Variants in NIBAN1 observed in about 807,000 individuals in gnomAD.
NIBAN1 encodes protein Niban 1.
A neutral mutation model predicts 75.1 loss-of-function variants in NIBAN1; 81 were observed. The observed-to-expected ratio is 1.08, with a 90% CI of 0.90 to 1.30. The LOEUF (loss-of-function observed/expected upper bound fraction) is 1.30. NIBAN1 is among the 50% of genes most tolerant of loss of function. NIBAN1 has a pLI of 0.00. For missense variants in NIBAN1, 1,133 were observed against 1,128.1 expected (o/e 1.00, Z -0.06); for synonymous variants, 436 against 424.8 (o/e 1.03, Z -0.32).
intron 1 of NIBAN1, among the ~76,000 whole-genome samples, chr1:184,952,181 CT>C (rs1346433171): frequency 6.6e-6 from 1 of 152,210 alleles, no homozygotes; most frequent in African/African-American, 2.4e-5. Context: ...TGGGCAAGTG[CT>C]TGAGTCCAAG....
chr1:184,900,216 T>C (rs772198047), intron 1 of NIBAN1, among the ~76,000 whole-genome samples: 2 of 152,172 alleles, frequency 1.3e-5, no homozygotes, highest in Non-Finnish European at 2.9e-5. Context: ...TCTGCTCCAA[T>C]ATTTCTGGTT....
intron 5 of NIBAN1, among the ~76,000 whole-genome samples, chr1:184,866,280 CT>C (rs1344497367): frequency 2.0e-5 from 3 of 152,148 alleles, no homozygotes; most frequent in African/African-American, 7.2e-5. Context: ...AATTGTGGGG[CT>C]TTCACCTACC....
intron 13 of NIBAN1, among the ~76,000 whole-genome samples, chr1:184,796,558 G>A (rs1413161880): frequency 6.6e-6 from 1 of 152,148 alleles, no homozygotes; most frequent in Admixed American, 6.5e-5. Context: ...ATAGGTACTC[G>A]GTACTGCACA....
intron 5 of NIBAN1, among the ~76,000 whole-genome samples, chr1:184,842,468 G>C (rs1186667199): frequency 6.6e-6 from 1 of 152,126 alleles, no homozygotes; most frequent in Admixed American, 6.6e-5. Context: ...ATCACTTGTG[G>C]TAAGGCCGGG....
At position 184,823,038 on chromosome 1, in the gene NIBAN1, C is replaced by G. The variant is rs1243138218; in HGVS notation, c.985+129G>C. On this transcript the variant is annotated intron_variant, in intron 8 of 13. Coordinates refer to ENST00000367511, the MANE Select transcript of NIBAN1 (RefSeq NM_052966.4). ...TGGTACCTCCAGCATGTTCCTGTTGCAGCTGTGATCACCTCCTCCCAATTT... is the reference window on the plus strand; with the variant it reads ...TGGTACCTCCAGCATGTTCCTGTTGGAGCTGTGATCACCTCCTCCCAATTT... 4.6e-6 allele frequency: 5 copies of G among 1,078,542 alleles called. No homozygotes were observed. In the African/African-American group the frequency reaches 7.9e-5, roughly 17 times the overall value. The allele number at this position is 1,078,542 out of a possible 1,614,324, so 66.8% of individuals were successfully genotyped here. A position where few individuals can be genotyped will look rare whatever the true frequency, so the allele number is the denominator to read the frequency against.
At chr1:184,812,349 C>G (rs1654405324) in intron 9 of NIBAN1, among the ~76,000 whole-genome samples, 3 of 152,030 alleles carry the variant, frequency 2.0e-5, no homozygotes, top group Admixed American at 2.0e-4. Context: ...TTGCTCTAGC[C>G]AGAATGAAAA....
intron 1 of NIBAN1, among the ~76,000 whole-genome samples, chr1:184,936,908 A>G (rs1167257009): frequency 6.6e-6 from 1 of 152,154 alleles, no homozygotes; most frequent in East Asian, 1.9e-4. Context: ...CCACATTAAT[A>G]AAACTCATCC....
At chr1:184,807,166 C>T (rs1023052555) in intron 10 of NIBAN1, among the ~76,000 whole-genome samples, 8 of 152,092 alleles carry the variant, frequency 5.3e-5, no homozygotes, top group South Asian at 2.1e-4. Flanking sequence ...GTACAGTGTC[C>T]GGCCCACAGT....
intron 1 of NIBAN1, among the ~76,000 whole-genome samples, chr1:184,970,729 C>T (rs2102095422): frequency 6.6e-6 from 1 of 152,284 alleles, no homozygotes; most frequent in South Asian, 2.1e-4. Context: ...GGCAGGCCTG[C>T]AAGTGCCCAC....
intron 1 of NIBAN1, among the ~76,000 whole-genome samples, chr1:184,930,759 C>T (rs964484185): frequency 2.6e-5 from 4 of 152,158 alleles, no homozygotes; most frequent in African/African-American, 7.2e-5. Flanking sequence ...GGTATGGATG[C>T]TCATGCATCA....
At chr1:184,869,018 A>G (rs1656029720) in intron 5 of NIBAN1, among the ~76,000 whole-genome samples, 1 of 152,164 alleles carries the variant, frequency 6.6e-6, no homozygotes, top group South Asian at 2.1e-4. Context: ...CCAGGCCAGT[A>G]GTATCAGCAT....
At chr1:184,826,388 A>G (rs1372802771) in intron 6 of NIBAN1, among the ~76,000 whole-genome samples, 2 of 152,190 alleles carry the variant, frequency 1.3e-5, no homozygotes, top group Non-Finnish European at 2.9e-5. Flanking sequence ...AGGTCCAACA[A>G]TTATTGAAAG....
At chr1:184,831,104 T>C (rs1030562205) in intron 6 of NIBAN1, among the ~76,000 whole-genome samples, 2 of 152,124 alleles carry the variant, frequency 1.3e-5, no homozygotes, top group Non-Finnish European at 2.9e-5. Context: ...GGTGTCATCA[T>C]GGAGGCTGGG....
chr1:184,833,130 G>A (rs1225942403), intron 5 of NIBAN1, among the ~76,000 whole-genome samples: 1 of 151,772 alleles, frequency 6.6e-6, no homozygotes, highest in Non-Finnish European at 1.5e-5. Context: ...TTTGGGGGGT[G>A]AGGAGGAACC....
At chr1:184,796,715 A>G (rs559215164) in intron 13 of NIBAN1, among the ~76,000 whole-genome samples, 93 of 152,356 alleles carry the variant, frequency 6.1e-4, no homozygotes, top group African/African-American at 2.2e-3. Flanking sequence ...CAGGGGCTGT[A>G]GTGCCCAAAA....
In NIBAN1 at chr1:184,874,853, A is replaced by C. The variant is rs533767588; in HGVS notation, c.601+9780T>G. On this transcript the variant is annotated intron_variant, in intron 5 of 13. Coordinates refer to ENST00000367511, the MANE Select transcript of NIBAN1 (RefSeq NM_052966.4). ...TGACACTATTAACACACCTAAGCTA[A>C]TGGACATATAAGGCTATAGAATATA... Among the ~76,000 whole-genome samples, 9 of 149,466 alleles carry C rather than the reference A, an allele frequency of 6.0e-5. No individual in the cohort carries two copies. The South Asian group carries it at 1.7e-3, about 28-fold the overall frequency.
chr1:184,869,107 G>C (rs1443447019), intron 5 of NIBAN1, among the ~76,000 whole-genome samples: 1 of 152,134 alleles, frequency 6.6e-6, no homozygotes, highest in Non-Finnish European at 1.5e-5. Flanking sequence ...GCATATTCAA[G>C]CAAGGGAAAC....
At position 184,808,229 on chromosome 1, in the gene NIBAN1, C is replaced by T. The variant is rs898451758; in HGVS notation, c.1180G>A (p.Asp394Asn). ...TGCAGCGGAAGATTCATAAGCCGGTCTAGATGCTGCATTTTGGTGAAGGGA... is the reference window on the plus strand; with the variant it reads ...TGCAGCGGAAGATTCATAAGCCGGTTTAGATGCTGCATTTTGGTGAAGGGA... ...KDSVQLKEHL[D>N]RLMNLPLHSV... Residue 394 changes from aspartate (D) to asparagine (N), a missense_variant, in exon 10 of 14, where the codon GAC (aspartate) becomes AAC (asparagine). Asp to Asn is a conservative substitution (Grantham distance 23). Transcript: ENST00000367511. 1.9e-6 allele frequency: 3 copies of T among 1,613,438 alleles called. No individual in the cohort carries two copies. The African/African-American group carries it at 4.0e-5, about 22-fold the overall frequency.
chr1:184,923,829 T>C (rs547903343), intron 1 of NIBAN1, among the ~76,000 whole-genome samples: 1 of 152,270 alleles, frequency 6.6e-6, no homozygotes, highest in South Asian at 2.1e-4. Flanking sequence ...TTAGCATCTA[T>C]TATAAGTGGG....
Sources: gnomAD v4.1 joint callset for allele counts (sites outside exome capture counted in the v4.1 genomes callset) on GRCh38, gnomAD v4.1.1 for gene constraint, MANE v1.5 for transcripts, NCBI Gene and HGNC (gene_info 2026-07-23, HGNC 2026-07-21) for gene names.